SYT1: variants seen among roughly 807,000 people sequenced by gnomAD.
SYT1 encodes the protein synaptotagmin-1.
A neutral mutation model predicts 44.8 loss-of-function variants in SYT1; 8 were observed. The observed-to-expected ratio is 0.18, with a 90% CI of 0.10 to 0.32. The LOEUF is 0.32. Among genes scored for constraint, SYT1 ranks in the 10% least tolerant of loss-of-function variants. The pLI, the probability that SYT1 is intolerant of heterozygous loss-of-function variation, is 1.00. For synonymous variants in SYT1, 154 were observed against 188.8 expected (o/e 0.82, Z 1.51); for missense variants, 286 against 509.3 (o/e 0.56, Z 4.22).
intron 3 of SYT1, among the ~76,000 whole-genome samples, chr12:79,164,188 T>G (rs1871113133): frequency 6.6e-6 from 1 of 152,076 alleles, no homozygotes; most frequent in Non-Finnish European, 1.5e-5. Context: ...AAGGAAGTAA[T>G]TAAGAAATGT....
intron 1 of SYT1, among the ~76,000 whole-genome samples, chr12:78,945,186 T>C (rs1385041428): frequency 6.6e-6 from 1 of 152,174 alleles, no homozygotes; most frequent in Non-Finnish European, 1.5e-5. Context: ...GCTGTTTTTT[T>C]GTTTCAGAAT....
chr12:79,448,727 T>G (rs1870868549), intron 10 of SYT1, among the ~76,000 whole-genome samples, 191 bp from the exon 11 acceptor site: 1 of 152,252 alleles, frequency 6.6e-6, no homozygotes, highest in Admixed American at 6.5e-5. Flanking sequence ...TTCATTCATG[T>G]AAAAGACTTA....
intron 9 of SYT1, among the ~76,000 whole-genome samples, chr12:79,439,549 A>AGG (rs1453557755): frequency 2.0e-5 from 3 of 152,160 alleles, no homozygotes; most frequent in Non-Finnish European, 4.4e-5. Context: ...AATTCAGCAA[A>AGG]GTGAGTTGAA....
intron 8 of SYT1, among the ~76,000 whole-genome samples, chr12:79,336,982 C>A (rs138501082): frequency 0.011 from 1,707 of 152,028 alleles, 27 homozygotes; most frequent in African/African-American, 0.037. Context: ...GCCCCTAACA[C>A]TCCTTTAAAT....
At chr12:79,251,970 AAGATAGATGATTGAT>A (rs924380465) in intron 4 of SYT1, among the ~76,000 whole-genome samples, 2 of 128,472 alleles carry the variant, frequency 1.6e-5, no homozygotes, top group Admixed American at 8.0e-5. Context: ...TTTTCTTAAC[AAGATAGATGATTGAT>A]AGATAGATAG....
In SYT1 at chr12:79,360,145, T is replaced by C. The variant is rs570854273; in HGVS notation, c.928+6526T>C. ...ACTACACTTCAGAGGCTTAAAATGCTATGTCATAATTTTAACTGAGGCCTA... is the reference window on the plus strand; with the variant it reads ...ACTACACTTCAGAGGCTTAAAATGCCATGTCATAATTTTAACTGAGGCCTA... On this transcript the variant is annotated intron_variant, in intron 9 of 10. Coordinates refer to ENST00000261205, the MANE Select transcript of SYT1 (RefSeq NM_005639.3). Among the ~76,000 whole-genome samples the C allele has an allele frequency of 2.0e-5, 3 of 152,310 alleles. No individual in the cohort carries two copies. In the South Asian group the frequency reaches 6.2e-4, roughly 32 times the overall value.
rs112942076 is a variant in SYT1, at chr12:79,089,794, C to T, written c.-18+42432C>T. Among the ~76,000 whole-genome samples, 875 of 152,206 alleles carry T rather than the reference C, an allele frequency of 5.7e-3. 11 individuals carry two copies. Among genetic ancestry groups the T allele is most frequent in the African/African-American group, 0.018 (728 of 41,552 alleles). On this transcript the variant is annotated intron_variant, in intron 3 of 10. Coordinates refer to ENST00000261205, the MANE Select transcript of SYT1 (RefSeq NM_005639.3). ...TATCTCTTGCGTTTAATTTGCTAAA[C>T]TCCAAATCAAATTGAACCCTGGTCT...
At chr12:79,185,346 G>A (rs1320362991) in intron 3 of SYT1, among the ~76,000 whole-genome samples, 1 of 151,566 alleles carries the variant, frequency 6.6e-6, no homozygotes, top group African/African-American at 2.4e-5. Context: ...TATTGAGCCT[G>A]GTAAGGTCTT....
At chr12:79,173,708 C>G (rs1262521251) in intron 3 of SYT1, among the ~76,000 whole-genome samples, 1 of 152,108 alleles carries the variant, frequency 6.6e-6, no homozygotes, top group East Asian at 1.9e-4. Flanking sequence ...CATAAGGAGC[C>G]TTGTAAAACG....
At chr12:79,333,824 CAACA>C (rs1167162837) in intron 8 of SYT1, among the ~76,000 whole-genome samples, 1 of 152,136 alleles carries the variant, frequency 6.6e-6, no homozygotes, top group African/African-American at 2.4e-5. Flanking sequence ...ATAAATCTAA[CAACA>C]AACAACAAAC....
intron 8 of SYT1, among the ~76,000 whole-genome samples, chr12:79,327,917 A>G (rs542790962): frequency 2.6e-5 from 4 of 152,360 alleles, no homozygotes; most frequent in Admixed American, 2.6e-4. Context: ...AGTACTGTAC[A>G]TGTGAGAGGG....
chr12:79,364,837 T>C (rs1435706110), intron 9 of SYT1, among the ~76,000 whole-genome samples: 1 of 152,160 alleles, frequency 6.6e-6, no homozygotes, highest in Non-Finnish European at 1.5e-5. Flanking sequence ...CTACATATAC[T>C]ACATATACAT....
At chr12:79,410,571 G>A (rs1868379900) in intron 9 of SYT1, among the ~76,000 whole-genome samples, 1 of 147,724 alleles carries the variant, frequency 6.8e-6, no homozygotes, top group Non-Finnish European at 1.5e-5. Flanking sequence ...GGTTATACAA[G>A]CTCGTATGCA....
At chr12:78,875,775 C>T (rs61336771) in intron 1 of SYT1, among the ~76,000 whole-genome samples, 4,151 of 151,664 alleles carry the variant, frequency 0.027, 190 homozygotes, top group African/African-American at 0.095. Flanking sequence ...AGAATATACA[C>T]TGTTTTTACT....
intron 7 of SYT1, 44 bp from the exon 8 acceptor site, chr12:79,299,340 C>T: frequency 6.3e-7 from 1 of 1,595,550 alleles, no homozygotes; most frequent in East Asian, 2.2e-5. Context: ...ATGTTTTAAG[C>T]ATTTTTGTGA....
At chr12:79,022,358 A>G (rs1172367325) in intron 2 of SYT1, among the ~76,000 whole-genome samples, 1 of 151,822 alleles carries the variant, frequency 6.6e-6, no homozygotes, top group Non-Finnish European at 1.5e-5. Flanking sequence ...TGGCTCTCAA[A>G]GTATGATCTG....
intron 2 of SYT1, among the ~76,000 whole-genome samples, chr12:78,996,995 G>T (rs1353231740): frequency 5.3e-5 from 8 of 152,182 alleles, no homozygotes; most frequent in Non-Finnish European, 8.8e-5. Flanking sequence ...GGAAGCATTA[G>T]GCTTTAGCAT....
At chr12:78,881,268 C>A (rs1440168944) in intron 1 of SYT1, among the ~76,000 whole-genome samples, 2 of 151,528 alleles carry the variant, frequency 1.3e-5, no homozygotes, top group African/African-American at 4.8e-5. Context: ...TATATCGCTC[C>A]CTTCACTTCT....
intron 4 of SYT1, among the ~76,000 whole-genome samples, chr12:79,259,260 C>CA (rs1274767412): frequency 6.6e-6 from 1 of 152,036 alleles, no homozygotes; most frequent in Non-Finnish European, 1.5e-5. Flanking sequence ...TATAGTTCTA[C>CA]AAAAAAATTC....
Sources: gnomAD v4.1 joint callset for allele counts (sites outside exome capture counted in the v4.1 genomes callset) on GRCh38, gnomAD v4.1.1 for gene constraint, MANE v1.5 for transcripts, NCBI Gene and HGNC (gene_info 2026-07-23, HGNC 2026-07-21) for gene names.